The following RBM46 variants were observed in gnomAD, a reference collection of about 807,000 sequenced individuals.
RBM46 encodes RNA binding motif protein 46.
A neutral mutation model predicts 43.3 loss-of-function variants in RBM46; 12 were observed. The observed-to-expected ratio is 0.28, with a 90% CI of 0.18 to 0.45. The LOEUF (loss-of-function observed/expected upper bound fraction) is 0.45. Ranked by LOEUF, RBM46 falls within the 20% of genes least tolerant of loss-of-function variation. The pLI is 1.00. For missense variants in RBM46, 412 were observed against 639.1 expected (o/e 0.64, Z 3.83); for synonymous variants, 205 against 207.6 (o/e 0.99, Z 0.11).
At position 154,798,146 on chromosome 4, in the gene RBM46, A is replaced by G; in HGVS notation, c.487A>G (p.Lys163Glu). 1.2e-6 allele frequency: 2 copies of G among 1,613,906 alleles called. No homozygotes were observed. Among genetic ancestry groups the G allele is most frequent in the South Asian group, 1.1e-5 (1 of 91,042 alleles). Residue 163 changes from lysine to glutamate, a missense_variant, in exon 3 of 5, where the codon AAA (lysine) becomes GAA (glutamate). Lys to Glu is a moderately conservative substitution (Grantham distance 56). This residue lies in a region of RBM46 where 48 missense variants were observed against 78.9 expected (regional missense o/e 0.61). Transcript: ENST00000281722. The part of the protein sequence containing the change: ...KKEEILDEMK[K>E]VTEGVVDVIV... ...AGAAGAAATTTTAGATGAAATGAAG[A>G]AAGTTACAGAAGGAGTTGTAGATGT...
chr4:154,825,807 C>T (rs1225377421), intron 4 of RBM46, among the ~76,000 whole-genome samples: 3 of 152,156 alleles, frequency 2.0e-5, no homozygotes, highest in African/African-American at 7.2e-5. Context: ...GGCTGCATTA[C>T]CTGAAGATAC....
At chr4:154,782,894 T>C (rs1366290531) in intron 1 of RBM46, among the ~76,000 whole-genome samples, 1 of 152,124 alleles carries the variant, frequency 6.6e-6, no homozygotes, top group Non-Finnish European at 1.5e-5. Context: ...ATAAAGGACA[T>C]GTTCAAGGGT....
chr4:154,799,559 A>T lies in RBM46; in HGVS notation c.1397A>T (p.His466Leu), dbSNP rs200110149. ...KELAAQFTLL[H>L]LDYNFHRSSI... ...CTGGCAGCCCAGTTTACATTACTTC[A>T]TTTGGGTAAGTTTAAAAATACTTTA... Residue 466 changes from histidine to leucine, a missense_variant, in exon 4 of 5, where the codon CAT becomes CTT. This residue lies in a region of RBM46 where 149 missense variants were observed against 156.3 expected (regional missense o/e 0.95). Transcript: ENST00000281722. 2.4e-5 allele frequency: 37 copies of T among 1,533,902 alleles called. No homozygotes were observed. Among genetic ancestry groups the T allele is most frequent in the Non-Finnish European group, 3.5e-6 (4 of 1,143,370 alleles).
chr4:154,808,357 GTTT>G (rs1735011783), intron 4 of RBM46, among the ~76,000 whole-genome samples: 1 of 151,884 alleles, frequency 6.6e-6, no homozygotes, highest in Non-Finnish European at 1.5e-5. Flanking sequence ...GTCTAAGGAT[GTTT>G]TTATTAGAGT....
intron 1 of RBM46, among the ~76,000 whole-genome samples, chr4:154,782,165 G>C (rs1452242948): frequency 6.6e-6 from 1 of 152,210 alleles, no homozygotes; most frequent in African/African-American, 2.4e-5. Flanking sequence ...GGCAGCACAC[G>C]TCGTGGCACC....
intron 1 of RBM46, among the ~76,000 whole-genome samples, chr4:154,783,767 T>C (rs1733623276): frequency 6.6e-6 from 1 of 152,216 alleles, no homozygotes; most frequent in Non-Finnish European, 1.5e-5. Context: ...ATTAAAACTT[T>C]TATCCATTAT....
chr4:154,784,743 G>A (rs1382368869), intron 1 of RBM46, among the ~76,000 whole-genome samples: 1 of 152,154 alleles, frequency 6.6e-6, no homozygotes, highest in East Asian at 1.9e-4. Context: ...GGTCAGCAGG[G>A]TAAGGAAATA....
intron 4 of RBM46, among the ~76,000 whole-genome samples, chr4:154,824,579 C>G (rs79458281): frequency 0.018 from 2,675 of 152,044 alleles, 77 homozygotes; most frequent in African/African-American, 0.059. Context: ...GAGAGATTGT[C>G]TGGATTATCT....
At chr4:154,786,980 C>A (rs1279647823) in intron 1 of RBM46, 1 of 151,826 alleles carries the variant, frequency 6.6e-6, no homozygotes, top group African/African-American at 2.4e-5. Flanking sequence ...AACCTAAAAG[C>A]AATATAAATG....
intron 1 of RBM46, among the ~76,000 whole-genome samples, chr4:154,787,793 T>C (rs537259943): frequency 2.0e-5 from 3 of 152,268 alleles, no homozygotes; most frequent in South Asian, 4.1e-4. Context: ...AGTTTACAGT[T>C]CCACCAACAG....
intron 1 of RBM46, among the ~76,000 whole-genome samples, chr4:154,791,199 T>G (rs562781013): frequency 6.6e-6 from 1 of 152,304 alleles, no homozygotes; most frequent in Admixed American, 6.5e-5. Context: ...TAACTGAAAC[T>G]TTTCTTGGCC....
chr4:154,828,342 G>A lies in RBM46; in HGVS notation c.*275G>A, dbSNP rs1462999545. 2 of 340,084 alleles carry A rather than the reference G, an allele frequency of 5.9e-6. No homozygotes were observed. Among genetic ancestry groups the A allele is most frequent in the Non-Finnish European group, 1.1e-5 (2 of 188,292 alleles). 21.1% of individuals were successfully genotyped at this position (340,084 alleles called of 1,614,324 possible). On this transcript the variant is annotated 3_prime_UTR_variant, in exon 5 of 5. Coordinates refer to ENST00000281722, the MANE Select transcript of RBM46 (RefSeq NM_144979.5). ...CTTCTAGGATTTTCTTCTACTTTCTGAGTGGGCAATAGAACCTAGTCATTT... is the reference window on the plus strand; with the variant it reads ...CTTCTAGGATTTTCTTCTACTTTCTAAGTGGGCAATAGAACCTAGTCATTT...
In RBM46 at chr4:154,797,981, T is replaced by C. The variant is rs200616133; in HGVS notation, c.322T>C (p.Tyr108His). The C allele has an allele frequency of 6.2e-7, 1 of 1,612,418 alleles. No homozygotes were observed. Among genetic ancestry groups the C allele is most frequent in the Non-Finnish European group, 8.5e-7 (1 of 1,179,642 alleles). Residue 108 changes from tyrosine to histidine, a missense_variant, in exon 3 of 5, where the codon TAC becomes CAC. Physicochemically the swap from Tyr to His is moderately conservative, Grantham distance 83. Transcript: ENST00000281722. ...GENRGYAFVM[Y>H]TTKEEAQLAI... ...AAATCGAGGTTATGCTTTTGTGATG[T>C]ACACTACAAAAGAAGAAGCCCAATT... is the stretch of plus-strand genomic sequence containing the variant.
chr4:154,796,518 C>A (rs1178839549), intron 1 of RBM46, among the ~76,000 whole-genome samples: 1 of 151,982 alleles, frequency 6.6e-6, no homozygotes, highest in Non-Finnish European at 1.5e-5. Context: ...TTTCTTATAG[C>A]TTAGGCCTTC....
chr4:154,814,680 A>G (rs1735339434), intron 4 of RBM46, among the ~76,000 whole-genome samples: 2 of 152,004 alleles, frequency 1.3e-5, no homozygotes, highest in Admixed American at 1.3e-4. Flanking sequence ...TAATATTTCT[A>G]TGTAGCATCT....
Position 154,799,362 on chromosome 4 carries a change from T to C in RBM46, c.1200T>C (p.Tyr400=). Residue 400 remains tyrosine (Y), a synonymous_variant, in exon 4 of 5, where the codon TAT becomes TAC. Transcript: ENST00000281722. The part of the protein sequence containing the change: ...HFNSAVMHLD[Y]YCNKNNWAPP... Reference sequence around the variant, plus strand: ...ATTCTGCAGTAATGCATTTGGATTATTACTGCAACAAAAATAACTGGGCAC... The same window carrying C: ...ATTCTGCAGTAATGCATTTGGATTACTACTGCAACAAAAATAACTGGGCAC... 2 of 1,614,086 alleles carry C rather than the reference T, an allele frequency of 1.2e-6. No individual in the cohort carries two copies. The highest frequency in any genetic ancestry group is 1.7e-6 in the Non-Finnish European group (2 of 1,179,954).
chr4:154,793,551 C>G (rs1459271939), intron 1 of RBM46, among the ~76,000 whole-genome samples: 2 of 152,118 alleles, frequency 1.3e-5, no homozygotes, highest in Admixed American at 6.6e-5. Flanking sequence ...TTCTGTGTGC[C>G]AAAGACTGTG....
At chr4:154,809,137 A>T (rs1578931283) in intron 4 of RBM46, among the ~76,000 whole-genome samples, 2 of 152,010 alleles carry the variant, frequency 1.3e-5, no homozygotes, top group Admixed American at 6.6e-5. Context: ...TCACTAATAT[A>T]CTAGTGTTCT....
chr4:154,796,637 A>G lies in RBM46; in HGVS notation c.-11-105A>G, dbSNP rs1431672857. The G allele has an allele frequency of 6.7e-6, 5 of 744,996 alleles. No individual in the cohort carries two copies. In the African/African-American group the frequency reaches 9.0e-5, roughly 13 times the overall value. 46.1% of individuals were successfully genotyped at this position (744,996 alleles called of 1,614,324 possible). A position where few individuals can be genotyped will look rare whatever the true frequency, so the allele number is the denominator to read the frequency against. On this transcript the variant is annotated intron_variant, in intron 1 of 4. Coordinates refer to ENST00000281722, the MANE Select transcript of RBM46 (RefSeq NM_144979.5). ...AGAGGACAGTGAAGGCTAATCAAAC[A>G]TGCCAGCCACAACTGTCTTTGTTTT...
Sources: allele counts gnomAD v4.1 joint callset (sites outside exome capture counted in the v4.1 genomes callset), GRCh38; gene constraint gnomAD v4.1.1; regional missense constraint gnomAD v4.1.1; transcripts MANE v1.5; gene names NCBI Gene and HGNC (gene_info 2026-07-23, HGNC 2026-07-21).